CMKLR2: variants seen among roughly 807,000 people sequenced by gnomAD.
CMKLR2 encodes chemerin-like receptor 2.
Under a neutral mutation model 23.0 loss-of-function variants are expected in CMKLR2, and 18 were observed. That is an observed-to-expected ratio of 0.78 (90% CI 0.54 to 1.16). The LOEUF is 1.16. Ranked by LOEUF, CMKLR2 falls within the 50% of genes most tolerant of loss-of-function variation. The pLI is 0.00. For missense variants in CMKLR2, 401 were observed against 412.7 expected (o/e 0.97, Z 0.25); for synonymous variants, 158 against 158.9 (o/e 0.99, Z 0.05).
chr2:206,204,477 G>T (rs1403754134), intron 1 of CMKLR2, among the ~76,000 whole-genome samples: 1 of 151,650 alleles, frequency 6.6e-6, no homozygotes, highest in East Asian at 1.9e-4. Context: ...GCAAATTCTC[G>T]GGCTTCTAGC....
intron 1 of CMKLR2, among the ~76,000 whole-genome samples, chr2:206,184,389 C>T (rs1357767909): frequency 1.3e-5 from 2 of 151,442 alleles, no homozygotes; most frequent in Non-Finnish European, 2.9e-5. Context: ...CTCCGTCTCC[C>T]GGTTTCAAGC....
At chr2:206,213,156 G>C (rs1689633016) in intron 1 of CMKLR2, among the ~76,000 whole-genome samples, 151 bp downstream of exon 1, 3 of 152,238 alleles carry the variant, frequency 2.0e-5, no homozygotes, top group Admixed American at 2.0e-4. Flanking sequence ...TCTGCAGACA[G>C]AGCATTTTGT....
intron 1 of CMKLR2, among the ~76,000 whole-genome samples, chr2:206,180,835 AC>A (rs1355930261): frequency 6.8e-6 from 1 of 147,244 alleles, no homozygotes; most frequent in East Asian, 2.0e-4. Context: ...TCTCACTGTA[AC>A]CTCCGCCTCC....
chr2:206,203,819 T>G (rs1020657110), intron 1 of CMKLR2: 3 of 152,224 alleles, frequency 2.0e-5, no homozygotes, highest in Non-Finnish European at 2.9e-5. Context: ...CCTGTTTTCT[T>G]ATTTGTAGGT....
intron 1 of CMKLR2, among the ~76,000 whole-genome samples, chr2:206,194,231 A>T (rs1312107237): frequency 6.6e-6 from 1 of 152,156 alleles, no homozygotes; most frequent in African/African-American, 2.4e-5. Context: ...CAGCAAAAGG[A>T]GGGGGAGGAG....
chr2:206,194,660 C>T (rs1044545325), intron 1 of CMKLR2, among the ~76,000 whole-genome samples: 1 of 151,726 alleles, frequency 6.6e-6, no homozygotes, highest in Non-Finnish European at 1.5e-5. Flanking sequence ...GATCTTGAAC[C>T]CCTGGCCTCA....
chr2:206,198,796 T>C (rs1250683015), intron 1 of CMKLR2, among the ~76,000 whole-genome samples: 1 of 152,196 alleles, frequency 6.6e-6, no homozygotes, highest in Non-Finnish European at 1.5e-5. Flanking sequence ...CCAGGAAATA[T>C]TCTATTCAAA....
At chr2:206,184,554 C>T (rs1688520070) in intron 1 of CMKLR2, among the ~76,000 whole-genome samples, 1 of 152,092 alleles carries the variant, frequency 6.6e-6, no homozygotes, top group South Asian at 2.1e-4. Flanking sequence ...CTCGGCCTCC[C>T]AAAGTGCTGG....
intron 1 of CMKLR2, among the ~76,000 whole-genome samples, chr2:206,205,711 A>T (rs544016124): frequency 6.6e-6 from 1 of 150,610 alleles, no homozygotes. Flanking sequence ...TATTATTATT[A>T]TTTTTGAGAT....
At chr2:206,202,044 T>G (rs1288450212) in intron 1 of CMKLR2, among the ~76,000 whole-genome samples, 1 of 152,222 alleles carries the variant, frequency 6.6e-6, no homozygotes, top group East Asian at 1.9e-4. Flanking sequence ...GTTAAACATT[T>G]AAAAACTAAA....
In CMKLR2 at chr2:206,195,572, A is replaced by G. The variant is rs142158034; in HGVS notation, c.-29+17735T>C. Among the ~76,000 whole-genome samples the G allele has an allele frequency of 1.8e-3, 271 of 152,186 alleles. 1 individual carries two copies. The highest frequency in any genetic ancestry group is 6.2e-3 in the African/African-American group (259 of 41,520). ...TTTCACATCATCCTTCAAGGGCAAG[A>G]CTCTATGATAATGGATATCGTTTTT... On this transcript the variant is annotated intron_variant, in intron 1 of 1. Transcript: ENST00000621141.
At chr2:206,194,683 G>A (rs1037146298) in intron 1 of CMKLR2, among the ~76,000 whole-genome samples, 8 of 147,952 alleles carry the variant, frequency 5.4e-5, no homozygotes, top group Admixed American at 3.4e-4. Context: ...TGATCTGTCC[G>A]CCTCAGGCTC....
At chr2:206,203,835 T>G (rs950487075) in intron 1 of CMKLR2, 1 of 152,192 alleles carries the variant, frequency 6.6e-6, no homozygotes, top group Non-Finnish European at 1.5e-5. Flanking sequence ...TAGGTACTGC[T>G]TTGCATGTTT....
chr2:206,186,171 G>A (rs1223468247), intron 1 of CMKLR2, among the ~76,000 whole-genome samples: 3 of 150,186 alleles, frequency 2.0e-5, no homozygotes, highest in African/African-American at 7.4e-5. Context: ...GAGTGCAGTG[G>A]CGCAATCTTG....
At position 206,182,683 on chromosome 2, in the gene CMKLR2, G is replaced by A. The variant is rs1217974161; in HGVS notation, c.-28-5408C>T. On this transcript the variant is annotated intron_variant, in intron 1 of 1. Transcript: ENST00000621141. ...GTCACCCAGGCTGGAGTGCAGTGGCGTGATCTCGGCTCATGCAACCTTTGT... is the reference window on the plus strand; with the variant it reads ...GTCACCCAGGCTGGAGTGCAGTGGCATGATCTCGGCTCATGCAACCTTTGT... Among the ~76,000 whole-genome samples, 3 of 151,898 alleles carry A rather than the reference G, an allele frequency of 2.0e-5. No individual in the cohort carries two copies. In the South Asian group the frequency reaches 6.2e-4, roughly 32 times the overall value.
At chr2:206,199,434 A>C (rs1486230649) in intron 1 of CMKLR2, among the ~76,000 whole-genome samples, 2 of 152,152 alleles carry the variant, frequency 1.3e-5, no homozygotes, top group Non-Finnish European at 2.9e-5. Context: ...GAGAGTGAGC[A>C]TGAGTGCGAG....
upstream of CMKLR2, chr2:206,217,741 C>A (rs1689799759): frequency 1.3e-5 from 2 of 152,148 alleles, no homozygotes; most frequent in Admixed American, 1.3e-4. Flanking sequence ...TTCTTAACTA[C>A]AATATACTGG....
At position 206,207,487 on chromosome 2, in the gene CMKLR2, C is replaced by T. The variant is rs933837034; in HGVS notation, c.-29+5820G>A. Among the ~76,000 whole-genome samples the T allele has an allele frequency of 5.9e-5, 9 of 152,084 alleles. No individual in the cohort carries two copies. In the South Asian group the frequency reaches 8.3e-4, roughly 14 times the overall value. On this transcript the variant is annotated intron_variant, in intron 1 of 1. Coordinates refer to ENST00000621141, the MANE Select transcript of CMKLR2 (RefSeq NM_001389445.1). ...TTGACCTAATTCCACTCAAAGGAAG[C>T]AAGTACCAACCACATCTAATTATGT... is the stretch of plus-strand genomic sequence containing the variant.
At chr2:206,189,934 A>G (rs1160211234) in intron 1 of CMKLR2, among the ~76,000 whole-genome samples, 1 of 152,210 alleles carries the variant, frequency 6.6e-6, no homozygotes, top group Non-Finnish European at 1.5e-5. Flanking sequence ...GTTGCCATTC[A>G]GATGAACGAT....
Sources: allele counts gnomAD v4.1 joint callset (sites outside exome capture counted in the v4.1 genomes callset), GRCh38; gene constraint gnomAD v4.1.1; transcripts MANE v1.5; gene names NCBI Gene and HGNC (gene_info 2026-07-23, HGNC 2026-07-21).